Variants in GSG1L observed in about 807,000 individuals in gnomAD.
GSG1L encodes the protein GSG1 like.
In GSG1L, 24 loss-of-function variants were observed where a neutral mutation model predicts 42.1. The ratio of observed to expected loss-of-function variants is 0.57; its 90% CI spans 0.41 to 0.80. The LOEUF is 0.80. Among genes scored for constraint, GSG1L ranks in the 30% least tolerant of loss-of-function variants. The pLI, the probability that GSG1L is intolerant of heterozygous loss-of-function variation, is 0.00. For synonymous variants in GSG1L, 215 were observed against 203.5 expected (o/e 1.06, Z -0.48); for missense variants, 445 against 472.2 (o/e 0.94, Z 0.53).
At chr16:27,840,003 C>T (rs565591864) in intron 4 of GSG1L, among the ~76,000 whole-genome samples, 9 of 150,986 alleles carry the variant, frequency 6.0e-5, no homozygotes, top group African/African-American at 1.7e-4. Flanking sequence ...CCACTGTGCA[C>T]AGCACAAAGT....
chr16:27,823,911 G>C (rs1480103511), intron 5 of GSG1L: 2 of 702,952 alleles, frequency 2.8e-6, no homozygotes, highest in Non-Finnish European at 5.2e-6. Context: ...GCCTCGATTT[G>C]CCACCTGTAA....
At chr16:27,817,175 G>A (rs962945964) in intron 5 of GSG1L, among the ~76,000 whole-genome samples, 5 of 152,206 alleles carry the variant, frequency 3.3e-5, no homozygotes, top group Admixed American at 1.3e-4. Flanking sequence ...TTCCAGGGCC[G>A]AATGTGGCCA....
intron 1 of GSG1L, among the ~76,000 whole-genome samples, chr16:27,967,456 G>A (rs557159433): frequency 1.3e-5 from 2 of 152,204 alleles, no homozygotes; most frequent in Admixed American, 6.5e-5. Context: ...CCCTGCCCCC[G>A]CCTTGTGCTC....
intron 6 of GSG1L, among the ~76,000 whole-genome samples, chr16:27,801,212 T>C (rs1361690542): frequency 6.6e-6 from 1 of 152,102 alleles, no homozygotes; most frequent in East Asian, 1.9e-4. Flanking sequence ...GTTGGGAGCC[T>C]GAGAAGGAGT....
chr16:28,033,585 A>G (rs548617782), intron 1 of GSG1L, among the ~76,000 whole-genome samples: 22 of 152,320 alleles, frequency 1.4e-4, no homozygotes, highest in Non-Finnish European at 7.4e-5. Context: ...GAGAAAAGAA[A>G]GAGAGAAAAA....
chr16:27,922,626 C>T (rs938043799), intron 2 of GSG1L, among the ~76,000 whole-genome samples: 1 of 152,140 alleles, frequency 6.6e-6, no homozygotes, highest in East Asian at 1.9e-4. Context: ...TTCAGCACTG[C>T]CCTTTGGACA....
intron 2 of GSG1L, among the ~76,000 whole-genome samples, chr16:27,948,439 T>C (rs2084911000): frequency 6.6e-6 from 1 of 152,108 alleles, no homozygotes; most frequent in Non-Finnish European, 1.5e-5. Flanking sequence ...AGTGGCGTGA[T>C]ACTGGCTCAC....
At chr16:27,833,723 T>C (rs1182414698) in intron 4 of GSG1L, among the ~76,000 whole-genome samples, 2 of 152,112 alleles carry the variant, frequency 1.3e-5, no homozygotes, top group African/African-American at 4.8e-5. Flanking sequence ...TATATATTTT[T>C]AATTTTGTTG....
chr16:27,891,126 CG>C (rs2084120642), intron 2 of GSG1L, among the ~76,000 whole-genome samples: 1 of 152,126 alleles, frequency 6.6e-6, no homozygotes, highest in African/African-American at 2.4e-5. Context: ...GCCGTCCCCC[CG>C]TGCCAAGTGT....
rs35025078 is a variant in GSG1L, at chr16:27,884,696, C to T, written c.398-58G>A. 2.8e-5 allele frequency: 42 copies of T among 1,494,542 alleles called. No individual in the cohort carries two copies. The South Asian group carries it at 5.0e-4, about 18-fold the overall frequency. 92.6% of individuals were successfully genotyped at this position (1,494,542 alleles called of 1,614,324 possible). ...AGGGGCCACCCAAGATAGACTCACC[C>T]TGTGCCTATTCCTCCCACAACAGCA... On this transcript the variant is annotated intron_variant, in intron 2 of 6. Coordinates refer to ENST00000447459, the MANE Select transcript of GSG1L (RefSeq NM_001109763.2). This position sits in a 1 kb window ranked among gnomAD's most constrained non-coding sequence, Gnocchi z 4.4.
intron 2 of GSG1L, among the ~76,000 whole-genome samples, chr16:27,922,326 C>A (rs1344710262): frequency 1.3e-5 from 2 of 152,184 alleles, no homozygotes; most frequent in Admixed American, 6.5e-5. Context: ...CTATTTCTCT[C>A]AACAAAACAT....
intron 2 of GSG1L, among the ~76,000 whole-genome samples, chr16:27,937,011 G>A (rs1057122970): frequency 5.3e-5 from 8 of 152,240 alleles, no homozygotes; most frequent in South Asian, 2.1e-4. Context: ...AGTCCCTCGC[G>A]GTGGGCACTT....
At position 27,888,503 on chromosome 16, in the gene GSG1L, CT is replaced by C. The variant is rs2084075147; in HGVS notation, c.398-3866del. ...CTTTCCTTTCTTTCTTTCTTTCTTT[CT>C]TTCTTTCTTTCTTTCTTTCTTTCTT... On this transcript the variant is annotated intron_variant, in intron 2 of 6. Transcript: ENST00000447459. 2.5e-4 allele frequency among the ~76,000 whole-genome samples: 2 copies of C among 8,156 alleles called. 1 individual carries two copies. The highest frequency in any genetic ancestry group is 7.0e-4 in the African/African-American group (2 of 2,850). The allele number at this position is 8,156 out of a possible 152,430, so 5.4% of individuals were successfully genotyped here.
intron 2 of GSG1L, among the ~76,000 whole-genome samples, chr16:27,924,700 C>A (rs1362015614): frequency 6.6e-6 from 1 of 152,124 alleles, no homozygotes; most frequent in Non-Finnish European, 1.5e-5. Context: ...TTATCACACA[C>A]AAAAGAAAAC....
intron 3 of GSG1L, among the ~76,000 whole-genome samples, chr16:27,866,854 G>A (rs530696054): frequency 1.2e-4 from 19 of 152,208 alleles, no homozygotes; most frequent in African/African-American, 4.6e-4. Context: ...TTACAAGCAT[G>A]AGCCACCGAA....
intron 1 of GSG1L, among the ~76,000 whole-genome samples, chr16:27,982,282 C>T (rs1398326234): frequency 6.6e-6 from 1 of 152,242 alleles, no homozygotes; most frequent in African/African-American, 2.4e-5. Flanking sequence ...GGGAGGATTA[C>T]TTGAGCCCAG....
chr16:27,896,988 C>A (rs949484911), intron 2 of GSG1L, among the ~76,000 whole-genome samples: 3 of 152,148 alleles, frequency 2.0e-5, no homozygotes, highest in African/African-American at 7.2e-5. Context: ...CTTAGCCTCC[C>A]GAGTAGCTGG....
chr16:27,794,265 G>A (rs943509007), intron 6 of GSG1L, among the ~76,000 whole-genome samples: 1 of 151,690 alleles, frequency 6.6e-6, no homozygotes, highest in Non-Finnish European at 1.5e-5. Context: ...TTATCTTCCC[G>A]CCTCAGCCTC....
At chr16:27,974,487 T>C (rs190418360) in intron 1 of GSG1L, among the ~76,000 whole-genome samples, 11 of 152,332 alleles carry the variant, frequency 7.2e-5, no homozygotes, top group Non-Finnish European at 1.3e-4. Flanking sequence ...TTGAATTTCT[T>C]GCTATTCTGG....
Sources: gnomAD v4.1 joint callset for allele counts (sites outside exome capture counted in the v4.1 genomes callset) on GRCh38, gnomAD v4.1.1 for gene constraint, Gnocchi (gnomAD v3.1) non-coding constraint, MANE v1.5 for transcripts, NCBI Gene and HGNC (gene_info 2026-07-23, HGNC 2026-07-21) for gene names.